The following NXPH2 variants were observed in gnomAD, a reference collection of about 807,000 sequenced individuals.
NXPH2 encodes the protein neurexophilin 2, also known as neurexophilin-2.
Under a neutral mutation model 19.8 loss-of-function variants are expected in NXPH2, and 5 were observed. That is an observed-to-expected ratio of 0.25 (90% CI 0.13 to 0.53). The LOEUF (loss-of-function observed/expected upper bound fraction) is 0.53. Ranked by LOEUF, NXPH2 falls within the 20% of genes least tolerant of loss-of-function variation. The probability of loss-of-function intolerance (pLI) is 0.96; values close to 1 mark genes in which losing one functional copy is unlikely to be tolerated. For missense variants in NXPH2, 289 were observed against 322.8 expected (o/e 0.90, Z 0.80); for synonymous variants, 154 against 127.4 (o/e 1.21, Z -1.41).
At chr2:138,744,182 T>C (rs1681690754) in intron 1 of NXPH2, among the ~76,000 whole-genome samples, 1 of 152,118 alleles carries the variant, frequency 6.6e-6, no homozygotes, top group South Asian at 2.1e-4. Context: ...AGGTATAATG[T>C]TATATGGATT....
At chr2:138,773,803 G>A (rs1014686486) in intron 1 of NXPH2, among the ~76,000 whole-genome samples, 11 of 152,106 alleles carry the variant, frequency 7.2e-5, no homozygotes, top group Non-Finnish European at 1.6e-4. Flanking sequence ...CAAAAAAGCA[G>A]CAATATCTCA....
chr2:138,744,086 C>G (rs1194309918), intron 1 of NXPH2, among the ~76,000 whole-genome samples: 1 of 150,748 alleles, frequency 6.6e-6, no homozygotes, highest in Non-Finnish European at 1.5e-5. Flanking sequence ...ATATCCTACT[C>G]TCTTACTCGC....
chr2:138,686,130 C>A (rs2104972424), intron 1 of NXPH2, among the ~76,000 whole-genome samples: 1 of 152,262 alleles, frequency 6.6e-6, no homozygotes, highest in East Asian at 1.9e-4. Context: ...AAAACTTAAT[C>A]AATAAAGCAG....
In NXPH2 at chr2:138,676,074, G is replaced by C. The variant is rs551397677; in HGVS notation, c.52-4409C>G. Among the ~76,000 whole-genome samples the C allele has an allele frequency of 2.0e-5, 3 of 152,142 alleles. No individual in the cohort carries two copies. The South Asian group carries it at 6.2e-4, about 32-fold the overall frequency. On this transcript the variant is annotated intron_variant, in intron 1 of 1. Transcript: ENST00000272641. ...TTGTTTTGACAACAACATTAGCCAA[G>C]TTGGTAAAACTGTGTACAACCTCAT...
intron 1 of NXPH2, among the ~76,000 whole-genome samples, chr2:138,764,827 T>C (rs140612803): frequency 4.6e-5 from 7 of 152,318 alleles, no homozygotes; most frequent in Admixed American, 4.6e-4. Context: ...ACCTGATTTA[T>C]CAGGAAGAAA....
chr2:138,736,719 T>C (rs1211650737), intron 1 of NXPH2, among the ~76,000 whole-genome samples: 1 of 152,230 alleles, frequency 6.6e-6, no homozygotes, highest in African/African-American at 2.4e-5. Context: ...TTCTATCACA[T>C]TGTCAGGCTG....
chr2:138,744,908 G>A (rs1180288350), intron 1 of NXPH2, among the ~76,000 whole-genome samples: 1 of 152,200 alleles, frequency 6.6e-6, no homozygotes, highest in Non-Finnish European at 1.5e-5. Flanking sequence ...AATGATGTGA[G>A]GAATGTTCCT....
chr2:138,772,680 T>C (rs1198274781), intron 1 of NXPH2, among the ~76,000 whole-genome samples: 1 of 152,206 alleles, frequency 6.6e-6, no homozygotes, highest in Non-Finnish European at 1.5e-5. Context: ...TTTGACTTTA[T>C]GGCAAAGCTA....
At chr2:138,751,090 A>G (rs1182484831) in intron 1 of NXPH2, among the ~76,000 whole-genome samples, 1 of 130,620 alleles carries the variant, frequency 7.7e-6, no homozygotes, top group Non-Finnish European at 1.7e-5. Context: ...TTACTGCCCA[A>G]CAGTCTCCTA....
chr2:138,700,976 G>A (rs1354755790), intron 1 of NXPH2, among the ~76,000 whole-genome samples: 1 of 152,004 alleles, frequency 6.6e-6, no homozygotes, highest in Non-Finnish European at 1.5e-5. Context: ...AGAGAACGGC[G>A]TTTTAAGAAA....
At chr2:138,680,675 G>T (rs961060949) in intron 1 of NXPH2, among the ~76,000 whole-genome samples, 3 of 152,146 alleles carry the variant, frequency 2.0e-5, no homozygotes, top group East Asian at 3.9e-4. Flanking sequence ...AACAGGGTAA[G>T]CAACAGGGCA....
intron 1 of NXPH2, among the ~76,000 whole-genome samples, chr2:138,744,852 G>A (rs1681700844): frequency 6.6e-6 from 1 of 152,306 alleles, no homozygotes; most frequent in East Asian, 1.9e-4. Flanking sequence ...GTAGACAGCT[G>A]CTTCCAGAGG....
chr2:138,728,392 G>A (rs1255316451), intron 1 of NXPH2, among the ~76,000 whole-genome samples: 3 of 152,170 alleles, frequency 2.0e-5, no homozygotes, highest in Admixed American at 6.5e-5. Context: ...TCTTATGGCA[G>A]CCCTAGAAGA....
At chr2:138,769,012 T>C (rs529676158) in intron 1 of NXPH2, among the ~76,000 whole-genome samples, 17 of 152,064 alleles carry the variant, frequency 1.1e-4, no homozygotes, top group African/African-American at 4.1e-4. Context: ...CAGTTAAGAG[T>C]ATGTGATAAA....
chr2:138,702,799 A>C (rs970020713), intron 1 of NXPH2, among the ~76,000 whole-genome samples: 1 of 152,196 alleles, frequency 6.6e-6, no homozygotes, highest in Non-Finnish European at 1.5e-5. Context: ...AAAAAGTGAA[A>C]GATTTTTAAA....
At chr2:138,709,568 C>T (rs1681066367) in intron 1 of NXPH2, among the ~76,000 whole-genome samples, 1 of 152,000 alleles carries the variant, frequency 6.6e-6, no homozygotes, top group African/African-American at 2.4e-5. Context: ...TTAGGGTTCA[C>T]TCTTGCTGAA....
chr2:138,721,629 A>G (rs1294251511), intron 1 of NXPH2, among the ~76,000 whole-genome samples: 1 of 152,218 alleles, frequency 6.6e-6, no homozygotes, highest in East Asian at 1.9e-4. Flanking sequence ...AATGGAAGAG[A>G]TATGATGTAT....
chr2:138,770,222 GA>G (rs1682155905), intron 1 of NXPH2, among the ~76,000 whole-genome samples: 1 of 152,074 alleles, frequency 6.6e-6, no homozygotes, highest in Non-Finnish European at 1.5e-5. Flanking sequence ...AAGTGAGGGG[GA>G]AAACATAGAA....
At chr2:138,757,813 TTATCTATCTATC>T (rs57043046) in intron 1 of NXPH2, among the ~76,000 whole-genome samples, 8,538 of 147,526 alleles carry the variant, frequency 0.058, 294 homozygotes, top group Middle Eastern at 0.1. Flanking sequence ...GTGTGTTTCT[TTATCTATCTATC>T]TATCTATCTA....
Sources: gnomAD v4.1 joint callset for allele counts (sites outside exome capture counted in the v4.1 genomes callset) on GRCh38, gnomAD v4.1.1 for gene constraint, MANE v1.5 for transcripts, NCBI Gene and HGNC (gene_info 2026-07-23, HGNC 2026-07-21) for gene names.